CSRP3: variants seen among roughly 807,000 people sequenced by gnomAD.
CSRP3 encodes cysteine and glycine-rich protein 3.
A neutral mutation model predicts 24.3 loss-of-function variants in CSRP3; 24 were observed. The observed-to-expected ratio is 0.99, with a 90% confidence interval of 0.71 to 1.39. The LOEUF is 1.39. Among genes scored for constraint, CSRP3 ranks in the 40% most tolerant of loss-of-function variants. CSRP3 has a pLI of 0.00. For synonymous variants in CSRP3, 105 were observed against 94.0 expected (o/e 1.12, Z -0.68); for missense variants, 240 against 249.0 (o/e 0.96, Z 0.24).
intron 4 of CSRP3, among the ~76,000 whole-genome samples, chr11:19,185,687 G>T (rs1418819398): frequency 1.3e-5 from 2 of 152,106 alleles, no homozygotes; most frequent in Admixed American, 6.6e-5. Context: ...CTTTCCTCAG[G>T]TCTGACTCCT....
chr11:19,191,080 G>A (rs1458645869), intron 2 of CSRP3, among the ~76,000 whole-genome samples: 1 of 152,120 alleles, frequency 6.6e-6, no homozygotes, highest in Non-Finnish European at 1.5e-5. Context: ...AGACCCCCCA[G>A]TTTTCTCCTT....
At chr11:19,201,040 T>G (rs1253000229) in intron 1 of CSRP3, among the ~76,000 whole-genome samples, 1 of 152,188 alleles carries the variant, frequency 6.6e-6, no homozygotes, top group African/African-American at 2.4e-5. Context: ...GGGCAGAAAT[T>G]AGAGTCGGCA....
Position 19,185,014 on chromosome 11 carries a change from A to T in CSRP3, c.446T>A (p.Ile149Asn), listed in dbSNP as rs777480588. 1.2e-6 allele frequency: 2 copies of T among 1,614,234 alleles called. No individual in the cohort carries two copies. The highest frequency in any genetic ancestry group is 2.2e-5 in the East Asian group (1 of 44,890). Residue 149 changes from isoleucine to asparagine, a missense_variant, in exon 5 of 6, where the codon ATC becomes AAC. By Grantham distance (149) the Ile-to-Asn change is moderately radical (BLOSUM62 -3). Coordinates refer to ENST00000265968, the MANE Select transcript of CSRP3 (RefSeq NM_003476.5). ...PWHKTCFRCA[I>N]CGKSLESTNV... is the part of the protein sequence containing the mutation. ...TGTGGACTCCAGACTCTTCCCACAG[A>T]TGGCACAGCGGAAACAGGTCTTGTG...
At position 19,189,498 on chromosome 11, in the gene CSRP3, T is replaced by C. The variant is rs1407673014; in HGVS notation, c.113-1194A>G. ...AATAATATGTGTGCATTAAATGTAT[T>C]TGCCTTTTAAAAAAACATTTCCATC... On this transcript the variant is annotated intron_variant, in intron 2 of 5. Coordinates refer to ENST00000265968, the MANE Select transcript of CSRP3 (RefSeq NM_003476.5). Among the ~76,000 whole-genome samples the C allele has an allele frequency of 2.0e-5, 3 of 152,234 alleles. 1 individual carries two copies. The highest frequency in any genetic ancestry group is 4.4e-5 in the Non-Finnish European group (3 of 68,028).
intron 1 of CSRP3, among the ~76,000 whole-genome samples, chr11:19,197,508 T>TTTCTTTCC (rs1850750770): frequency 1.3e-5 from 1 of 75,800 alleles, no homozygotes; most frequent in Non-Finnish European, 2.6e-5. Flanking sequence ...TTCCTCTTTC[T>TTTCTTTCC]TTCTTTCTTT....
At chr11:19,195,403 T>C (rs995492569) in intron 1 of CSRP3, among the ~76,000 whole-genome samples, 6 of 152,212 alleles carry the variant, frequency 3.9e-5, no homozygotes, top group African/African-American at 1.4e-4. Flanking sequence ...TCCATTCTTC[T>C]CTCATTAAAG....
chr11:19,182,518 C>T lies in CSRP3; in HGVS notation c.*152G>A, dbSNP rs45595441. 10 of 747,788 alleles carry T rather than the reference C, an allele frequency of 1.3e-5. No homozygotes were observed. The highest frequency in any genetic ancestry group is 5.2e-5 in the African/African-American group (3 of 57,776). The allele number at this position is 747,788 out of a possible 1,614,324, so 46.3% of individuals were successfully genotyped here. Reference sequence around the variant, plus strand: ...CATAATTTTCTTCCAAAGGCCTCTTCTAACATTCAGTAAAGACCTGATCAC... The same window carrying T: ...CATAATTTTCTTCCAAAGGCCTCTTTTAACATTCAGTAAAGACCTGATCAC... On this transcript the variant is annotated 3_prime_UTR_variant, in exon 6 of 6. Coordinates refer to ENST00000265968, the MANE Select transcript of CSRP3 (RefSeq NM_003476.5).
intron 3 of CSRP3, among the ~76,000 whole-genome samples, chr11:19,187,497 G>T (rs1189473188): frequency 6.6e-6 from 1 of 152,214 alleles, no homozygotes; most frequent in African/African-American, 2.4e-5. Context: ...CTGGGCTGGA[G>T]GTCAATGTGG....
In CSRP3 at chr11:19,188,153, G is replaced by A. The variant is rs758256351; in HGVS notation, c.264C>T (p.Leu88=). Reference sequence around the variant, plus strand: ...TAACTCACTGTTGGAACTGCAGGCCGAGATGCTCGCCCGTGTCTGTGCTGA... The same window carrying A: ...TAACTCACTGTTGGAACTGCAGGCCAAGATGCTCGCCCGTGTCTGTGCTGA... ...GCLSTDTGEH[L]GLQFQQSPKP... The change falls in exon 3 of 6, where the codon CTC becomes CTT. Residue 88 remains leucine, a synonymous_variant. Transcript: ENST00000265968. 17 of 1,614,164 alleles carry A rather than the reference G, an allele frequency of 1.1e-5. No homozygotes were observed. In the East Asian group the frequency reaches 3.1e-4, roughly 30 times the overall value.
chr11:19,186,521 G>A (rs1304515787), intron 3 of CSRP3, among the ~76,000 whole-genome samples, 173 bp from the exon 4 acceptor site: 2 of 152,198 alleles, frequency 1.3e-5, no homozygotes, highest in Admixed American at 6.5e-5. Context: ...TAAATGAGGC[G>A]ACATTTGTAA....
intron 5 of CSRP3, among the ~76,000 whole-genome samples, chr11:19,182,978 G>A (rs546480636): frequency 6.6e-6 from 1 of 152,226 alleles, no homozygotes; most frequent in East Asian, 1.9e-4. Context: ...CCAACATAGA[G>A]AAACCCTGTC....
chr11:19,195,681 A>G (rs1850690301), intron 1 of CSRP3, among the ~76,000 whole-genome samples: 1 of 97,970 alleles, frequency 1.0e-5, no homozygotes, highest in Admixed American at 1.4e-4. Context: ...GGATAAAAAT[A>G]CATATATATC....
At position 19,184,983 on chromosome 11, in the gene CSRP3, G is replaced by A; in HGVS notation, c.477C>T (p.Val159=). The change falls in exon 5 of 6, where the codon GTC becomes GTT. Residue 159 remains valine, a synonymous_variant. Transcript: ENST00000265968. ...AATAAAGTTCCCCATCTTTGTCAGT[G>A]ACATTTGTGGACTCCAGACTCTTCC... ...ICGKSLESTN[V]TDKDGELYCK... The A allele has an allele frequency of 6.2e-7, 1 of 1,614,018 alleles. No individual in the cohort carries two copies. Among genetic ancestry groups the A allele is most frequent in the Non-Finnish European group, 8.5e-7 (1 of 1,179,830 alleles).
intron 1 of CSRP3, among the ~76,000 whole-genome samples, chr11:19,197,546 T>TCTTTCTTG (rs1850756777): frequency 7.2e-6 from 1 of 139,232 alleles, no homozygotes; most frequent in African/African-American, 2.8e-5. Flanking sequence ...TTTCTTTCTT[T>TCTTTCTTG]CTTTCTTTCT....
At chr11:19,186,371 T>G in intron 3 of CSRP3, 23 bp from the exon 4 acceptor site, 4 of 1,614,178 alleles carry the variant, frequency 2.5e-6, no homozygotes, top group South Asian at 1.1e-5. Context: ...GACGAATGAA[T>G]GAAACGTAGA....
At chr11:19,196,016 C>G (rs771262167) in intron 1 of CSRP3, among the ~76,000 whole-genome samples, 2 of 152,150 alleles carry the variant, frequency 1.3e-5, no homozygotes, top group Non-Finnish European at 2.9e-5. Context: ...CGCCTGTAAT[C>G]CCAGGACTGA....
In CSRP3 at chr11:19,186,076, T is replaced by A. The variant is rs1448202534; in HGVS notation, c.414+140A>T. 14 of 1,085,550 alleles carry A rather than the reference T, an allele frequency of 1.3e-5. No individual in the cohort carries two copies. The East Asian group carries it at 3.1e-4, about 24-fold the overall frequency. The allele number at this position is 1,085,550 out of a possible 1,614,324, so 67.2% of individuals were successfully genotyped here. Reference sequence around the variant, plus strand: ...GACAGCCCCAGCCTGGGAAAGTGGCTGAGGATGTGTGGTTTCTAAAGTTGT... The same window carrying A: ...GACAGCCCCAGCCTGGGAAAGTGGCAGAGGATGTGTGGTTTCTAAAGTTGT... On this transcript the variant is annotated intron_variant, in intron 4 of 5. Coordinates refer to ENST00000265968, the MANE Select transcript of CSRP3 (RefSeq NM_003476.5).
chr11:19,185,218 G>A (rs1850505545), intron 4 of CSRP3, among the ~76,000 whole-genome samples, 173 bp from the exon 5 acceptor site: 2 of 152,222 alleles, frequency 1.3e-5, no homozygotes, highest in Admixed American at 6.5e-5. Context: ...TATGGCCTTA[G>A]CCAGCACTTC....
intron 2 of CSRP3, among the ~76,000 whole-genome samples, chr11:19,190,335 CA>C (rs1850594719): frequency 6.6e-6 from 1 of 152,244 alleles, no homozygotes; most frequent in African/African-American, 2.4e-5. Flanking sequence ...GCTGTGGCCA[CA>C]GCCACATGCT....
Sources: allele counts gnomAD v4.1 joint callset (sites outside exome capture counted in the v4.1 genomes callset), GRCh38; gene constraint gnomAD v4.1.1; transcripts MANE v1.5; gene names NCBI Gene and HGNC (gene_info 2026-07-23, HGNC 2026-07-21).